Variants in PLXNA4 observed in about 807,000 individuals in gnomAD.
The protein encoded by PLXNA4 is plexin A4, also known as plexin-A4.
Under a neutral mutation model 191.8 loss-of-function variants are expected in PLXNA4, and 44 were observed. The ratio of observed to expected loss-of-function variants is 0.23; its 90% CI spans 0.18 to 0.29. PLXNA4 has a LOEUF of 0.29. PLXNA4 is among the 10% of genes least tolerant of loss of function. PLXNA4 has a pLI of 1.00. For missense variants in PLXNA4, 1,800 were observed against 2,488.8 expected (o/e 0.72, Z 5.89); for synonymous variants, 1,082 against 1,009.5 (o/e 1.07, Z -1.36).
At chr7:132,647,644 C>T (rs1465641052) in intron 1 of PLXNA4, among the ~76,000 whole-genome samples, 2 of 151,814 alleles carry the variant, frequency 1.3e-5, no homozygotes, top group Non-Finnish European at 2.9e-5. Flanking sequence ...TACACACATA[C>T]ACACTCATAC....
At chr7:132,151,612 G>A (rs1435213003) in intron 25 of PLXNA4, among the ~76,000 whole-genome samples, 3 of 147,320 alleles carry the variant, frequency 2.0e-5, no homozygotes, top group Admixed American at 6.8e-5. Flanking sequence ...GAGAGGGAGG[G>A]GGAGAAGGGG....
chr7:132,343,956 C>G (rs887284792), intron 3 of PLXNA4, among the ~76,000 whole-genome samples: 1 of 152,156 alleles, frequency 6.6e-6, no homozygotes, highest in East Asian at 1.9e-4. Context: ...GCAGGTACTA[C>G]CTCTCTGAGA....
chr7:132,464,707 C>T (rs1412224089), intron 3 of PLXNA4, among the ~76,000 whole-genome samples: 4 of 152,176 alleles, frequency 2.6e-5, no homozygotes, highest in Non-Finnish European at 5.9e-5. Context: ...ATACAACAAC[C>T]TTTATTGATC....
chr7:132,531,281 C>G (rs923764196), intron 1 of PLXNA4, among the ~76,000 whole-genome samples: 1 of 152,182 alleles, frequency 6.6e-6, no homozygotes, highest in African/African-American at 2.4e-5. Flanking sequence ...CACTGTAGTC[C>G]TCTGCCATCC....
intron 2 of PLXNA4, among the ~76,000 whole-genome samples, chr7:132,639,716 A>G (rs544651718): frequency 1.3e-4 from 20 of 152,340 alleles, no homozygotes; most frequent in African/African-American, 4.3e-4. Flanking sequence ...AAATAATGTT[A>G]AAGTTTTCAT....
At chr7:132,549,300 G>A (rs978414092) in intron 1 of PLXNA4, among the ~76,000 whole-genome samples, 4 of 152,042 alleles carry the variant, frequency 2.6e-5, no homozygotes, top group Non-Finnish European at 5.9e-5. Context: ...TTCTGGTAAG[G>A]CCCCTATCAT....
At chr7:132,172,840 G>C (rs1322278078) in intron 21 of PLXNA4, among the ~76,000 whole-genome samples, 1 of 151,874 alleles carries the variant, frequency 6.6e-6, no homozygotes, top group African/African-American at 2.4e-5. Context: ...CATGAAGAAA[G>C]GAGAATAACT....
chr7:132,342,949 AAAAAAAAAAAAAG>A (rs1803092281), intron 3 of PLXNA4, among the ~76,000 whole-genome samples: 1 of 150,336 alleles, frequency 6.7e-6, no homozygotes, highest in Admixed American at 6.6e-5. Context: ...TCTGCCTCAA[AAAAAAAAAAAAAG>A]AAAAAAAAAA....
intron 3 of PLXNA4, among the ~76,000 whole-genome samples, chr7:132,487,752 G>T (rs921781318): frequency 5.3e-5 from 8 of 152,280 alleles, no homozygotes; most frequent in Non-Finnish European, 1.2e-4. Context: ...GCAAAAATCA[G>T]ACACAGGAGC....
rs56273116 is a variant in PLXNA4 at position 132,312,149 on chromosome 7, A to AAATAATAATAATAATAATAATAAT, written c.1372-13951_1372-13928dup. On this transcript the variant is annotated intron_variant, in intron 3 of 31. Transcript: ENST00000321063. ...ACCAGAGCCAAAGTGCCTTGAAGGAAAATAATAATAATAATAATAATAATA... is the reference window on the plus strand; with the variant it reads ...ACCAGAGCCAAAGTGCCTTGAAGGAAAATAATAATAATAATAATAATAATAATAATAATAATAATAATAATAATA... Among the ~76,000 whole-genome samples, 873 of 149,530 alleles carry AAATAATAATAATAATAATAATAAT rather than the reference A, an allele frequency of 5.8e-3. 10 individuals are homozygous for AAATAATAATAATAATAATAATAAT. Among genetic ancestry groups the AAATAATAATAATAATAATAATAAT allele is most frequent in the African/African-American group, 0.02 (819 of 40,236 alleles).
intron 3 of PLXNA4, chr7:132,366,010 T>A (rs929006867): frequency 1.3e-5 from 2 of 151,992 alleles, no homozygotes; most frequent in African/African-American, 4.8e-5. Context: ...TACAGGGAGC[T>A]CCATATTAAG....
chr7:132,179,558 C>T lies in PLXNA4; in HGVS notation c.3874+129G>A, dbSNP rs370255419. On this transcript the variant is annotated intron_variant, in intron 20 of 31. Coordinates refer to ENST00000321063, the MANE Select transcript of PLXNA4 (RefSeq NM_020911.2). ...AGACACACACACCGCCAGCCTCCAG[C>T]ACTGCCCACTGCTGCCCAGCCTGCT... is the stretch of plus-strand genomic sequence containing the variant. 38 of 1,372,186 alleles carry T rather than the reference C, an allele frequency of 2.8e-5. No individual in the cohort carries two copies. In the East Asian group the frequency reaches 9.3e-4, roughly 34 times the overall value. The allele number at this position is 1,372,186 out of a possible 1,614,324, so 85.0% of individuals were successfully genotyped here.
At chr7:132,191,024 A>T in intron 14 of PLXNA4, among the ~76,000 whole-genome samples, 1 of 152,192 alleles carries the variant, frequency 6.6e-6, no homozygotes, top group East Asian at 1.9e-4. Flanking sequence ...AATAAGGAGG[A>T]TATGGCTCGT....
intron 16 of PLXNA4, among the ~76,000 whole-genome samples, chr7:132,183,307 G>A (rs1796772336): frequency 6.6e-6 from 1 of 152,196 alleles, no homozygotes; most frequent in South Asian, 2.1e-4. Context: ...ACCTTCTGGT[G>A]TCTAGCCATC....
intron 1 of PLXNA4, among the ~76,000 whole-genome samples, chr7:132,554,878 G>A (rs893185198): frequency 8.5e-5 from 13 of 152,078 alleles, no homozygotes; most frequent in Admixed American, 2.0e-4. Context: ...TTCTGACTTC[G>A]TTGCAGGCAA....
At chr7:132,586,377 G>A (rs147652711) in intron 2 of PLXNA4, among the ~76,000 whole-genome samples, 2 of 152,276 alleles carry the variant, frequency 1.3e-5, no homozygotes, top group Non-Finnish European at 2.9e-5. Context: ...GGGTGTTGAC[G>A]GGCATTTTGG....
chr7:132,185,277 G>A, intron 16 of PLXNA4, 22 bp downstream of exon 16: 1 of 1,598,924 alleles, frequency 6.3e-7, no homozygotes, highest in Non-Finnish European at 8.5e-7. Context: ...AAGCATTAAG[G>A]TCCGCTTGGG....
chr7:132,248,852 A>C (rs1799148012), intron 4 of PLXNA4, among the ~76,000 whole-genome samples: 1 of 77,832 alleles, frequency 1.3e-5, no homozygotes, highest in African/African-American at 8.3e-5. Context: ...GTGTCAGAAA[A>C]TGATTTTTTT....
At chr7:132,412,456 A>G (rs893897914) in intron 3 of PLXNA4, among the ~76,000 whole-genome samples, 1 of 152,244 alleles carries the variant, frequency 6.6e-6, no homozygotes, top group African/African-American at 2.4e-5. Flanking sequence ...ACTTGGGCAA[A>G]GACGAAGGGA....
Sources: allele counts gnomAD v4.1 joint callset (sites outside exome capture counted in the v4.1 genomes callset), GRCh38; gene constraint gnomAD v4.1.1; transcripts MANE v1.5; gene names NCBI Gene and HGNC (gene_info 2026-07-23, HGNC 2026-07-21).